CACNA2D4: variants seen among roughly 807,000 people sequenced by gnomAD.
The protein encoded by CACNA2D4 is calcium voltage-gated channel auxiliary subunit alpha2delta 4, also known as voltage-dependent calcium channel subunit alpha-2/delta-4.
Under a neutral mutation model 163.8 loss-of-function variants are expected in CACNA2D4, and 157 were observed. The observed-to-expected ratio is 0.96, with a 90% CI of 0.84 to 1.09. CACNA2D4 has a LOEUF of 1.09. Ranked by LOEUF, CACNA2D4 falls within the 50% of genes least tolerant of loss-of-function variation. CACNA2D4 has a pLI of 0.00. For missense variants in CACNA2D4, 1,410 were observed against 1,479.9 expected (o/e 0.95, Z 0.78); for synonymous variants, 598 against 586.9 (o/e 1.02, Z -0.27).
chr12:1,860,310 C>CTTCTTGT, intron 18 of CACNA2D4, 104 bp from the exon 19 acceptor site: 2 of 795,658 alleles, frequency 2.5e-6, no homozygotes, highest in African/African-American at 1.7e-5. Context: ...CTGTACAGTC[C>CTTCTTGT]CTCCGCCTTC....
intron 6 of CACNA2D4, among the ~76,000 whole-genome samples, chr12:1,893,953 A>G (rs1351994523): frequency 1.3e-5 from 2 of 152,214 alleles, no homozygotes; most frequent in East Asian, 3.8e-4. Context: ...TGAAGGATCA[A>G]CAAAATGAAA....
intron 26 of CACNA2D4, among the ~76,000 whole-genome samples, chr12:1,812,721 A>G (rs1432792831): frequency 6.6e-6 from 1 of 152,232 alleles, no homozygotes; most frequent in Non-Finnish European, 1.5e-5. Flanking sequence ...TGTTAATCAC[A>G]GAAGCAGGAC....
chr12:1,872,733 C>G (rs10848584), intron 18 of CACNA2D4, among the ~76,000 whole-genome samples: 77,538 of 151,962 alleles, frequency 0.51, 21,754 homozygotes, highest in Non-Finnish European at 0.62. Flanking sequence ...CGGCCCCACA[C>G]CAGCAAAATG....
At position 1,800,400 on chromosome 12, in the gene CACNA2D4, C is replaced by A; in HGVS notation, c.2907G>T (p.Leu969=). 1 of 1,613,950 alleles carries A rather than the reference C, an allele frequency of 6.2e-7. No homozygotes were observed. The highest frequency in any genetic ancestry group is 8.5e-7 in the Non-Finnish European group (1 of 1,179,854). ...CCCCCACTCACAGCACCAGCTCCTG[C>A]AGCAGCCACCTGGTCGCCGTCAAGA... The part of the protein sequence containing the change: ...SAFLTATRWL[L]QELVLFLLEW... The change falls in exon 32 of 38, where the codon CTG becomes CTT. Residue 969 remains leucine, a synonymous_variant. Coordinates refer to ENST00000382722, the MANE Select transcript of CACNA2D4 (RefSeq NM_172364.5).
intron 22 of CACNA2D4, 46 bp from the exon 23 acceptor site, chr12:1,854,090 C>T (rs753590369): frequency 7.2e-7 from 1 of 1,385,912 alleles, no homozygotes; most frequent in South Asian, 1.3e-5. Context: ...TTCCTCCATG[C>T]TCATGAACAC....
intron 29 of CACNA2D4, among the ~76,000 whole-genome samples, chr12:1,807,769 G>A (rs571152113): frequency 1.3e-5 from 2 of 152,212 alleles, no homozygotes; most frequent in South Asian, 4.1e-4. Context: ...GGTCAGAGCT[G>A]TCCAGAGTGA....
chr12:1,882,362 G>C (rs1866023712), intron 13 of CACNA2D4, among the ~76,000 whole-genome samples: 1 of 152,248 alleles, frequency 6.6e-6, no homozygotes, highest in Non-Finnish European at 1.5e-5. Context: ...AGAAATGGCA[G>C]AAAGGTCTCC....
intron 19 of CACNA2D4, 136 bp from the exon 20 acceptor site, chr12:1,858,780 C>G (rs1490058602): frequency 1.4e-5 from 8 of 558,176 alleles, no homozygotes; most frequent in Non-Finnish European, 1.5e-5. Context: ...TCCTCATGCC[C>G]CCTTCTTTAC....
At chr12:1,898,683 G>C (rs1866464671) in intron 6 of CACNA2D4, among the ~76,000 whole-genome samples, 1 of 151,980 alleles carries the variant, frequency 6.6e-6, no homozygotes, top group African/African-American at 2.4e-5. Flanking sequence ...AACTCTGTGT[G>C]TGTGTGTGTG....
At chr12:1,909,435 C>T (rs1371315413) in intron 4 of CACNA2D4, among the ~76,000 whole-genome samples, 2 of 152,224 alleles carry the variant, frequency 1.3e-5, no homozygotes, top group Non-Finnish European at 2.9e-5. Context: ...ACCTTGTGAT[C>T]CACCCGCCTC....
Position 1,834,580 on chromosome 12 carries a change from G to A in CACNA2D4, c.2551+6159C>T. The A allele has an allele frequency of 6.2e-7, 1 of 1,600,890 alleles. No individual in the cohort carries two copies. Among genetic ancestry groups the A allele is most frequent in the South Asian group, 1.1e-5 (1 of 91,088 alleles). ...TCGTGTGCGGCGTCGTCTGCATCATGATGGTGGTGGCCGCTGCCTATGGCT... is the reference window on the plus strand; with the variant it reads ...TCGTGTGCGGCGTCGTCTGCATCATAATGGTGGTGGCCGCTGCCTATGGCT... On this transcript the variant is annotated intron_variant, in intron 26 of 37. Transcript: ENST00000382722. This position sits in a 1 kb window ranked among gnomAD's most constrained non-coding sequence, Gnocchi z 7.6.
At chr12:1,817,784 T>C (rs1863927403) in intron 26 of CACNA2D4, among the ~76,000 whole-genome samples, 1 of 152,228 alleles carries the variant, frequency 6.6e-6, no homozygotes, top group South Asian at 2.1e-4. Context: ...GTTCACTCAG[T>C]GCTCAATGGT....
intron 26 of CACNA2D4, among the ~76,000 whole-genome samples, chr12:1,816,437 TTCCTGCCCCAGCGGGCC>T (rs58581206): frequency 0.037 from 5,678 of 152,134 alleles, 345 homozygotes; most frequent in African/African-American, 0.13. Flanking sequence ...CTCAGACCCC[TTCCTGCCCCAGCGGGCC>T]TCCTGCCCCA....
rs1592705776 is a variant in CACNA2D4 at position 1,844,213 on chromosome 12, T to C, written c.2470+189A>G. ...CTCACCTTCAGCGTGGGACCTGTGG[T>C]GTGGGAAGGTGCCAATGAGCTTTTT... On this transcript the variant is annotated intron_variant, in intron 25 of 37. Coordinates refer to ENST00000382722, the MANE Select transcript of CACNA2D4 (RefSeq NM_172364.5). This position sits in a 1 kb window ranked among gnomAD's most constrained non-coding sequence, Gnocchi z 4.2. Among the ~76,000 whole-genome samples the C allele has an allele frequency of 6.6e-6, 1 of 152,122 alleles. No individual in the cohort carries two copies. Among genetic ancestry groups the C allele is most frequent in the Admixed American group, 6.5e-5 (1 of 15,276 alleles).
Position 1,806,248 on chromosome 12 carries a change from C to A in CACNA2D4, c.2721+4030G>T, listed in dbSNP as rs1165742406. Among the ~76,000 whole-genome samples the A allele has an allele frequency of 6.6e-6, 1 of 152,202 alleles. No homozygotes were observed. On this transcript the variant is annotated intron_variant, in intron 29 of 37. Coordinates refer to ENST00000382722, the MANE Select transcript of CACNA2D4 (RefSeq NM_172364.5). The surrounding 1 kb of genome is among the most constrained non-coding windows in gnomAD (Gnocchi z 4.1). ...ATAAATATTACAAAGCTCCACAAAGCCACTGTCATTGCCTGTCCCCAGCTG... is the reference window on the plus strand; with the variant it reads ...ATAAATATTACAAAGCTCCACAAAGACACTGTCATTGCCTGTCCCCAGCTG...
intron 26 of CACNA2D4, among the ~76,000 whole-genome samples, chr12:1,814,017 A>C (rs1863799742): frequency 6.6e-6 from 1 of 152,174 alleles, no homozygotes; most frequent in Non-Finnish European, 1.5e-5. Context: ...CCTGTAGGAA[A>C]AGGCTAAATG....
intron 29 of CACNA2D4, among the ~76,000 whole-genome samples, chr12:1,809,930 T>C (rs1487275837): frequency 6.6e-6 from 1 of 152,100 alleles, no homozygotes; most frequent in East Asian, 1.9e-4. Context: ...CTTGGATCCT[T>C]GTGGGGAGGC....
At chr12:1,904,620 G>C (rs1278812555) in intron 6 of CACNA2D4, among the ~76,000 whole-genome samples, 1 of 152,040 alleles carries the variant, frequency 6.6e-6, no homozygotes, top group African/African-American at 2.4e-5. Context: ...TAGATAAGGA[G>C]CTGTAAAGGA....
At chr12:1,810,155 G>A in intron 29 of CACNA2D4, 123 bp downstream of exon 29, 2 of 739,300 alleles carry the variant, frequency 2.7e-6, no homozygotes, top group Admixed American at 2.2e-5. Context: ...CCTTTCACCT[G>A]AATTGGCCCC....
Sources: allele counts gnomAD v4.1 joint callset (sites outside exome capture counted in the v4.1 genomes callset), GRCh38; gene constraint gnomAD v4.1.1; non-coding constraint Gnocchi (gnomAD v3.1); transcripts MANE v1.5; gene names NCBI Gene and HGNC (gene_info 2026-07-23, HGNC 2026-07-21).